The following CTNNA2 variants were observed in gnomAD, a reference collection of about 807,000 sequenced individuals.
The protein encoded by CTNNA2 is catenin alpha-2.
CTNNA2 carries 42 observed loss-of-function variants against 101.0 expected under a neutral mutation model. That is an observed-to-expected ratio of 0.42 (90% confidence interval 0.32 to 0.54). The LOEUF (loss-of-function observed/expected upper bound fraction) is 0.54, where lower values mean the gene tolerates loss of function less well. Among genes scored for constraint, CTNNA2 ranks in the 20% least tolerant of loss-of-function variants. The probability of loss-of-function intolerance (pLI) is 0.14; values close to 1 mark genes in which losing one functional copy is unlikely to be tolerated. For missense variants in CTNNA2, 871 were observed against 1,223.1 expected (o/e 0.71, Z 4.29); for synonymous variants, 450 against 456.4 (o/e 0.99, Z 0.18).
chr2:79,974,566 T>C (rs1164029415), intron 7 of CTNNA2, among the ~76,000 whole-genome samples: 1 of 152,206 alleles, frequency 6.6e-6, no homozygotes, highest in Non-Finnish European at 1.5e-5. Flanking sequence ...GCAGCATTCC[T>C]AGTCAAAGAA....
At position 80,303,312 on chromosome 2, in the gene CTNNA2, C is replaced by A; in HGVS notation, c.1057-89899C>A. The stretch of plus-strand genomic sequence containing the variant: ...ACGGGCACAAACTGGATGGCGTTGG[C>A]CCGCATATGCAGCGTGGTGAGCTTC... On this transcript the variant is annotated intron_variant, in intron 7 of 18. Transcript: ENST00000402739. This position sits in a 1 kb window ranked among gnomAD's most constrained non-coding sequence, Gnocchi z 7.7. 3 of 1,613,658 alleles carry A rather than the reference C, an allele frequency of 1.9e-6. No individual in the cohort carries two copies. Among genetic ancestry groups the A allele is most frequent in the Non-Finnish European group, 2.5e-6 (3 of 1,180,026 alleles).
intron 1 of CTNNA2, among the ~76,000 whole-genome samples, chr2:79,586,762 C>T (rs1195401864): frequency 2.0e-5 from 3 of 152,032 alleles, no homozygotes; most frequent in African/African-American, 7.2e-5. Flanking sequence ...GATTTTGGTA[C>T]ACACATCACC....
intron 1 of CTNNA2, among the ~76,000 whole-genome samples, chr2:79,522,247 C>G (rs189452902): frequency 6.6e-6 from 1 of 152,312 alleles, no homozygotes; most frequent in East Asian, 1.9e-4. Flanking sequence ...GTTGATTCAA[C>G]TAAGTCTCTG....
intron 7 of CTNNA2, among the ~76,000 whole-genome samples, chr2:79,958,655 A>G (rs1163867951): frequency 6.6e-6 from 1 of 152,232 alleles, no homozygotes; most frequent in Non-Finnish European, 1.5e-5. Context: ...CCCATGTCTT[A>G]TAGACCTGTG....
At chr2:80,143,012 C>T (rs544173500) in intron 7 of CTNNA2, among the ~76,000 whole-genome samples, 34 of 152,318 alleles carry the variant, frequency 2.2e-4, no homozygotes, top group African/African-American at 8.2e-4. Flanking sequence ...TATTCTCTCT[C>T]TTGGACAACC....
At chr2:80,449,159 C>A (rs370497060) in intron 9 of CTNNA2, among the ~76,000 whole-genome samples, 166 of 152,154 alleles carry the variant, frequency 1.1e-3, no homozygotes, top group African/African-American at 3.8e-3. Context: ...GGCCTGTAAT[C>A]CTAGGACTCT....
chr2:80,084,409 A>G (rs1213356836), intron 7 of CTNNA2, among the ~76,000 whole-genome samples: 1 of 152,056 alleles, frequency 6.6e-6, no homozygotes, highest in African/African-American at 2.4e-5. Context: ...CTAATTTTTA[A>G]CAAAGTCCTT....
intron 7 of CTNNA2, among the ~76,000 whole-genome samples, chr2:80,230,353 C>T (rs900809029): frequency 6.7e-6 from 1 of 149,418 alleles, no homozygotes; most frequent in Non-Finnish European, 1.5e-5. Flanking sequence ...GCCTTGGTCT[C>T]CCAAAGTGGT....
intron 7 of CTNNA2, among the ~76,000 whole-genome samples, chr2:80,371,955 G>T (rs1675481606): frequency 6.6e-6 from 1 of 152,126 alleles, no homozygotes; most frequent in African/African-American, 2.4e-5. Context: ...AAAATAGCTG[G>T]CCTAATAATT....
At chr2:80,157,989 T>C (rs1051876453) in intron 7 of CTNNA2, among the ~76,000 whole-genome samples, 19 of 152,236 alleles carry the variant, frequency 1.2e-4, no homozygotes, top group African/African-American at 3.6e-4. Context: ...TTTATTTGTA[T>C]ACTATATAGC....
intron 2 of CTNNA2, among the ~76,000 whole-genome samples, chr2:79,200,031 C>T (rs1310532653): frequency 6.7e-6 from 1 of 149,836 alleles, no homozygotes; most frequent in Non-Finnish European, 1.5e-5. Flanking sequence ...GAGAATGAGA[C>T]AGAGAGAGAG....
At chr2:79,776,861 T>C (rs1007302871) in intron 3 of CTNNA2, 1 of 152,208 alleles carries the variant, frequency 6.6e-6, no homozygotes, top group Non-Finnish European at 1.5e-5. Flanking sequence ...CTCTGTCACA[T>C]TGGTACAATT....
At chr2:80,536,432 C>A (rs973954539) in intron 9 of CTNNA2, among the ~76,000 whole-genome samples, 55 of 152,090 alleles carry the variant, frequency 3.6e-4, no homozygotes, top group African/African-American at 1.3e-3. Flanking sequence ...CTTTATGGAC[C>A]TTCGAATTGC....
intron 9 of CTNNA2, among the ~76,000 whole-genome samples, chr2:80,494,383 G>A (rs1428465892): frequency 6.6e-6 from 1 of 152,180 alleles, no homozygotes; most frequent in Non-Finnish European, 1.5e-5. Context: ...ATGGGAAACA[G>A]ATTCCAAATA....
At chr2:79,868,184 A>G (rs930837167) in intron 4 of CTNNA2, among the ~76,000 whole-genome samples, 1 of 152,202 alleles carries the variant, frequency 6.6e-6, no homozygotes, top group Non-Finnish European at 1.5e-5. Flanking sequence ...TTGAGGATTT[A>G]CATCATCGTT....
intron 9 of CTNNA2, among the ~76,000 whole-genome samples, chr2:80,498,627 C>T (rs1219393033): frequency 1.3e-5 from 2 of 152,156 alleles, no homozygotes; most frequent in Non-Finnish European, 2.9e-5. Flanking sequence ...GTTTTTCCAC[C>T]CAAGTGTATC....
chr2:80,306,399 CTTTTCTTTCTTT>C (rs1558989717), intron 7 of CTNNA2, among the ~76,000 whole-genome samples: 1 of 94,322 alleles, frequency 1.1e-5, no homozygotes, highest in African/African-American at 5.3e-5. Context: ...CTTTTCTTTT[CTTTTCTTTCTTT>C]CTTTCTTTCT....
At chr2:80,442,165 A>G (rs956608803) in intron 9 of CTNNA2, among the ~76,000 whole-genome samples, 3 of 152,194 alleles carry the variant, frequency 2.0e-5, no homozygotes, top group Non-Finnish European at 4.4e-5. Context: ...TGATTAGCCC[A>G]TATCTCAAGC....
intron 7 of CTNNA2, among the ~76,000 whole-genome samples, chr2:80,183,160 A>G (rs1197622883): frequency 1.3e-5 from 2 of 152,082 alleles, no homozygotes; most frequent in Non-Finnish European, 2.9e-5. Context: ...CCCCCCAGAC[A>G]CCATTTATCG....
Sources: gnomAD v4.1 joint callset for allele counts (sites outside exome capture counted in the v4.1 genomes callset) on GRCh38, gnomAD v4.1.1 for gene constraint, Gnocchi (gnomAD v3.1) non-coding constraint, MANE v1.5 for transcripts, NCBI Gene and HGNC (gene_info 2026-07-23, HGNC 2026-07-21) for gene names.